Variants in ODR4 observed in about 807,000 individuals in gnomAD.
ODR4 encodes the protein protein odr-4 homolog.
In ODR4, 47 loss-of-function variants were observed where a neutral mutation model predicts 60.2. The ratio of observed to expected loss-of-function variants is 0.78; its 90% CI spans 0.62 to 1.00. The LOEUF (loss-of-function observed/expected upper bound fraction) is 1.00, where lower values mean the gene tolerates loss of function less well. ODR4 is among the 50% of genes least tolerant of loss of function. The pLI is 0.00. For missense variants in ODR4, 488 were observed against 530.8 expected (o/e 0.92, Z 0.79); for synonymous variants, 178 against 175.5 (o/e 1.01, Z -0.11).
At chr1:186,429,539 A>G in the ODR4 span, among the ~76,000 whole-genome samples, 2 of 152,108 alleles carry the variant, frequency 1.3e-5, no homozygotes, top group Non-Finnish European at 2.9e-5. Context: ...AAAAAAATCC[A>G]CATATGACCC....
intron 5 of ODR4, 76 bp downstream of exon 5, chr1:186,388,624 A>AT: frequency 1.2e-6 from 1 of 816,430 alleles, no homozygotes; most frequent in South Asian, 2.3e-5. Context: ...TTTGCTATTT[A>AT]TTTAAATCAT....
At position 186,405,841 on chromosome 1, in the gene ODR4, C is replaced by T. The variant is rs192229307; in HGVS notation, c.1001-242C>T. The stretch of plus-strand genomic sequence containing the variant: ...TGCTGGGATTACAGGCATGAGCCAC[C>T]GCGCCTGGAGATAAGTTTATTTTTC... On this transcript the variant is annotated intron_variant, in intron 11 of 13. Transcript: ENST00000287859. Among the ~76,000 whole-genome samples the T allele has an allele frequency of 3.0e-3, 452 of 152,206 alleles. 1 individual carries two copies. Among genetic ancestry groups the T allele is most frequent in the Admixed American group, 4.7e-3 (72 of 15,276 alleles).
chr1:186,401,172 G>A (rs1226585974), intron 11 of ODR4: 1 of 1,588,722 alleles, frequency 6.3e-7, no homozygotes, highest in African/African-American at 1.3e-5. Context: ...CATATTGTTA[G>A]TACTTTGAAA....
At chr1:186,409,969 A>G (rs181272776) in intron 12 of ODR4, among the ~76,000 whole-genome samples, 1 of 152,228 alleles carries the variant, frequency 6.6e-6, no homozygotes, top group East Asian at 1.9e-4. Context: ...GTTCTTCTAT[A>G]ATACTTTACA....
intron 11 of ODR4, chr1:186,400,956 G>T: frequency 7.6e-7 from 1 of 1,310,928 alleles, no homozygotes; most frequent in East Asian, 2.4e-5. Flanking sequence ...CTTTGAGTTT[G>T]TGGTAACTCC....
At chr1:186,387,267 A>T (rs1471051012) in intron 4 of ODR4, among the ~76,000 whole-genome samples, 1 of 152,184 alleles carries the variant, frequency 6.6e-6, no homozygotes, top group Non-Finnish European at 1.5e-5. Flanking sequence ...TAAATTGTTT[A>T]ACCCTCTGCC....
chr1:186,389,435 C>T (rs1484013606), intron 5 of ODR4, among the ~76,000 whole-genome samples, 153 bp from the exon 6 acceptor site: 2 of 152,124 alleles, frequency 1.3e-5, no homozygotes, highest in African/African-American at 4.8e-5. Context: ...TATATATGCA[C>T]ACATGTACAT....
Position 186,420,374 on chromosome 1 carries a change from A to T in ODR4, c.*1298A>T, listed in dbSNP as rs1661731742. On this transcript the variant is annotated 3_prime_UTR_variant, in exon 14 of 14. Coordinates refer to ENST00000287859, the MANE Select transcript of ODR4 (RefSeq NM_017847.6). ...CTAGCTCCTGGCAGAAGCAAGAGGGAAACATTCCTAATTTAGTTCCAAGAT... is the reference window on the plus strand; with the variant it reads ...CTAGCTCCTGGCAGAAGCAAGAGGGTAACATTCCTAATTTAGTTCCAAGAT... The T allele has an allele frequency of 6.6e-6, 1 of 152,224 alleles. No individual in the cohort carries two copies. The highest frequency in any genetic ancestry group is 6.5e-5 in the Admixed American group (1 of 15,278). 9.4% of individuals were successfully genotyped at this position (152,224 alleles called of 1,614,324 possible). A position where few individuals can be genotyped will look rare whatever the true frequency, so the allele number is the denominator to read the frequency against.
rs1442716108 is a variant in ODR4 at position 186,394,035 on chromosome 1, A to G, written c.780+20A>G. Reference sequence around the variant, plus strand: ...CAGTTGGTAAATATTTTAAAATAACACTTAAAATATTTATTAGCATAACCA... The same window carrying G: ...CAGTTGGTAAATATTTTAAAATAACGCTTAAAATATTTATTAGCATAACCA... On this transcript the variant is annotated intron_variant, in intron 9 of 13. Transcript: ENST00000287859. 1.6e-6 allele frequency: 2 copies of G among 1,229,336 alleles called. No individual in the cohort carries two copies. Among genetic ancestry groups the G allele is most frequent in the Non-Finnish European group, 2.3e-6 (2 of 867,472 alleles). The allele number at this position is 1,229,336 out of a possible 1,614,324, so 76.2% of individuals were successfully genotyped here.
In ODR4 at chr1:186,420,637, G is replaced by A. The variant is rs1459024253; in HGVS notation, c.*1561G>A. On this transcript the variant is annotated 3_prime_UTR_variant, in exon 14 of 14. Coordinates refer to ENST00000287859, the MANE Select transcript of ODR4 (RefSeq NM_017847.6). ...AAATAAGAAAAAAGCCCTCAGACATGTTGAATATTTTATTAGACTCAGCTG... is the reference window on the plus strand; with the variant it reads ...AAATAAGAAAAAAGCCCTCAGACATATTGAATATTTTATTAGACTCAGCTG... 1 of 152,130 alleles carries A rather than the reference G, an allele frequency of 6.6e-6. No homozygotes were observed. 9.4% of individuals were successfully genotyped at this position (152,130 alleles called of 1,614,324 possible).
chr1:186,385,374 A>G (rs1660213875), intron 3 of ODR4, among the ~76,000 whole-genome samples: 1 of 150,114 alleles, frequency 6.7e-6, no homozygotes, highest in African/African-American at 2.5e-5. Flanking sequence ...CTGACCAACT[A>G]GTAGGGTTCA....
chr1:186,402,058 G>T (rs890334120), intron 11 of ODR4, among the ~76,000 whole-genome samples: 1 of 151,562 alleles, frequency 6.6e-6, no homozygotes, highest in Non-Finnish European at 1.5e-5. Context: ...ATTTCTTCTT[G>T]TTTTCTGTCT....
At chr1:186,427,023 C>T in the ODR4 span, among the ~76,000 whole-genome samples, 1 of 152,130 alleles carries the variant, frequency 6.6e-6, no homozygotes, top group African/African-American at 2.4e-5. Flanking sequence ...ATCTTTTTGA[C>T]CTTCAGTCAT....
At chr1:186,391,272 T>C (rs1052951109) in intron 7 of ODR4, among the ~76,000 whole-genome samples, 1 of 151,994 alleles carries the variant, frequency 6.6e-6, no homozygotes, top group Admixed American at 6.5e-5. Context: ...CCAGTTCTTT[T>C]TTGTATTTCT....
chr1:186,391,711 T>G lies in ODR4; in HGVS notation c.631T>G (p.Trp211Gly). 1 of 1,600,454 alleles carries G rather than the reference T, an allele frequency of 6.2e-7. No homozygotes were observed. The highest frequency in any genetic ancestry group is 8.5e-7 in the Non-Finnish European group (1 of 1,172,562). Reference sequence around the variant, plus strand: ...TTCTGTTAAGAATGGACTTACACGCTGGGCCAAGGAAATAGAAAATGGTGT... The same window carrying G: ...TTCTGTTAAGAATGGACTTACACGCGGGGCCAAGGAAATAGAAAATGGTGT... ...EKNTKNGLTR[W>G]AKEIENGVYL... The change falls in exon 8 of 14, where the codon TGG (tryptophan) becomes GGG (glycine). Residue 211 changes from tryptophan to glycine, a missense_variant. Transcript: ENST00000287859.
At chr1:186,377,159 TGCTA>T (rs1659811986) in intron 1 of ODR4, among the ~76,000 whole-genome samples, 1 of 152,172 alleles carries the variant, frequency 6.6e-6, no homozygotes, top group African/African-American at 2.4e-5. Flanking sequence ...ACAATGTAAA[TGCTA>T]TAGTTGTTAT....
rs115570554 is a variant in ODR4 at position 186,386,036 on chromosome 1, A to G, written c.283A>G (p.Ile95Val). The G allele has an allele frequency of 6.1e-4, 987 of 1,606,406 alleles. 8 individuals carry two copies. The African/African-American group carries it at 0.011, about 18-fold the overall frequency. Reference sequence around the variant, plus strand: ...ACTTTTAGTTCTTGGAGTATTTATTATTACTACTTTAGAACTGGCAAATGA... The same window carrying G: ...ACTTTTAGTTCTTGGAGTATTTATTGTTACTACTTTAGAACTGGCAAATGA... Reference protein sequence around the residue: ...GGLLVLGVFIITTLELANDFQ... With the variant: ...GGLLVLGVFIVTTLELANDFQ... The change falls in exon 4 of 14, where the codon ATT becomes GTT. Residue 95 changes from isoleucine to valine, a missense_variant. By Grantham distance (29) the Ile-to-Val change is conservative. Transcript: ENST00000287859.
downstream of ODR4, among the ~76,000 whole-genome samples, chr1:186,424,547 A>G (rs1345184786): frequency 6.6e-6 from 1 of 152,118 alleles, no homozygotes; most frequent in Non-Finnish European, 1.5e-5. Flanking sequence ...CTCAAACTTA[A>G]TTAGCTTAAA....
chr1:186,392,371 A>T (rs11806068), intron 8 of ODR4, among the ~76,000 whole-genome samples: 13,598 of 152,276 alleles, frequency 0.089, 949 homozygotes, highest in East Asian at 0.38. Context: ...AATAGCAAAG[A>T]CATGGAATCA....
Sources: gnomAD v4.1 joint callset for allele counts (sites outside exome capture counted in the v4.1 genomes callset) on GRCh38, gnomAD v4.1.1 for gene constraint, MANE v1.5 for transcripts, NCBI Gene and HGNC (gene_info 2026-07-23, HGNC 2026-07-21) for gene names.